Variants in CAMTA1 observed in about 807,000 individuals in gnomAD.
The protein encoded by CAMTA1 is calmodulin binding transcription activator 1, also known as calmodulin-binding transcription activator 1.
CAMTA1 carries 27 observed loss-of-function variants against 170.9 expected under a neutral mutation model. That is an observed-to-expected ratio of 0.16 (90% CI 0.12 to 0.22). The LOEUF is 0.22. Among genes scored for constraint, CAMTA1 ranks in the 10% least tolerant of loss-of-function variants. The pLI, the probability that CAMTA1 is intolerant of heterozygous loss-of-function variation, is 1.00. For missense variants in CAMTA1, 1,619 were observed against 2,217.2 expected, an observed-to-expected ratio of 0.73 and a Z score of 5.42; for synonymous variants, 833 against 891.5, an observed-to-expected ratio of 0.93 and a Z score of 1.17.
intron 4 of CAMTA1, among the ~76,000 whole-genome samples, chr1:7,119,460 G>A (rs955982932): frequency 2.6e-5 from 4 of 152,154 alleles, no homozygotes; most frequent in Non-Finnish European, 4.4e-5. Context: ...AGTGAACAGC[G>A]GGGGGCATCA....
intron 4 of CAMTA1, among the ~76,000 whole-genome samples, chr1:7,139,555 C>T (rs1246454295): frequency 6.6e-6 from 1 of 151,992 alleles, no homozygotes; most frequent in African/African-American, 2.4e-5. Context: ...CTCAGAGCCT[C>T]TGTGACATTG....
intron 4 of CAMTA1, among the ~76,000 whole-genome samples, chr1:7,151,824 A>G (rs144238572): frequency 3.3e-4 from 50 of 152,124 alleles, no homozygotes; most frequent in African/African-American, 1.1e-3. Context: ...CTCCGTTTGT[A>G]TTTTCACTTT....
At chr1:7,378,773 A>G (rs2087041061) in intron 5 of CAMTA1, among the ~76,000 whole-genome samples, 1 of 152,212 alleles carries the variant, frequency 6.6e-6, no homozygotes, top group South Asian at 2.1e-4. Context: ...TCAATTAAAA[A>G]AAAATCGGAG....
At chr1:7,598,512 C>T (rs2095417530) in intron 6 of CAMTA1, among the ~76,000 whole-genome samples, 1 of 152,210 alleles carries the variant, frequency 6.6e-6, no homozygotes, top group Non-Finnish European at 1.5e-5. Flanking sequence ...AATCGCCACA[C>T]TGACTTCTAC....
chr1:6,980,613 A>G (rs1031069534), intron 3 of CAMTA1, among the ~76,000 whole-genome samples: 1 of 152,094 alleles, frequency 6.6e-6, no homozygotes, highest in Non-Finnish European at 1.5e-5. Context: ...ACTTGGTAGG[A>G]GGTAATCAAG....
intron 3 of CAMTA1, among the ~76,000 whole-genome samples, chr1:6,993,748 T>C (rs1215722848): frequency 6.6e-6 from 1 of 152,208 alleles, no homozygotes; most frequent in Non-Finnish European, 1.5e-5. Context: ...CTATTTAAAA[T>C]GTGTTTCTTG....
chr1:7,520,223 CTCCT>C (rs1557857609), intron 6 of CAMTA1, among the ~76,000 whole-genome samples: 3 of 35,024 alleles, frequency 8.6e-5, no homozygotes, highest in Admixed American at 4.2e-4. Flanking sequence ...CCTCCTCCTC[CTCCT>C]CCCTCCTCCT....
At chr1:6,786,046 C>T (rs1439389657) in intron 1 of CAMTA1, among the ~76,000 whole-genome samples, 2 of 151,700 alleles carry the variant, frequency 1.3e-5, no homozygotes, top group African/African-American at 2.4e-5. Flanking sequence ...CGGGCCGGTC[C>T]CCGTCGGGCG....
Position 7,461,325 on chromosome 1 carries a change from C to A in CAMTA1, c.439-6505C>A, listed in dbSNP as rs556302903. Among the ~76,000 whole-genome samples the A allele has an allele frequency of 9.8e-5, 15 of 152,308 alleles. No homozygotes were observed. In the South Asian group the frequency reaches 2.9e-3, roughly 29 times the overall value. ...CCCTGGGGTCCCAAGCTCCCAGTGT[C>A]TTTGCCAAACATCTCTGAACTGGAC... On this transcript the variant is annotated intron_variant, in intron 5 of 22. Coordinates refer to ENST00000303635, the MANE Select transcript of CAMTA1 (RefSeq NM_015215.4).
chr1:6,842,047 TCTC>T (rs1401898050), intron 3 of CAMTA1, among the ~76,000 whole-genome samples: 1 of 152,142 alleles, frequency 6.6e-6, no homozygotes, highest in Non-Finnish European at 1.5e-5. Flanking sequence ...TGGAGGGACA[TCTC>T]CTTTCCTCTC....
chr1:7,080,054 CATTTTA>C (rs1459047345), intron 3 of CAMTA1, among the ~76,000 whole-genome samples: 1 of 152,112 alleles, frequency 6.6e-6, no homozygotes, highest in Non-Finnish European at 1.5e-5. Context: ...AAATGGGGTA[CATTTTA>C]TTGTATGTAA....
intron 5 of CAMTA1, among the ~76,000 whole-genome samples, chr1:7,332,192 T>G (rs1356349002): frequency 1.3e-5 from 2 of 152,190 alleles, no homozygotes; most frequent in African/African-American, 4.8e-5. Flanking sequence ...CTGAGTTCCC[T>G]GTCAGGAGAC....
At chr1:7,202,840 C>T (rs1163073512) in intron 4 of CAMTA1, among the ~76,000 whole-genome samples, 2 of 152,144 alleles carry the variant, frequency 1.3e-5, no homozygotes, top group African/African-American at 4.8e-5. Flanking sequence ...AGTTTTATTT[C>T]TTCCTTTCCA....
chr1:7,298,165 A>G (rs1233173109), intron 5 of CAMTA1, among the ~76,000 whole-genome samples: 1 of 152,208 alleles, frequency 6.6e-6, no homozygotes, highest in Non-Finnish European at 1.5e-5. Context: ...GGAAGACTCA[A>G]TGGGAAGCCT....
At chr1:6,916,823 C>T (rs1279672876) in intron 3 of CAMTA1, among the ~76,000 whole-genome samples, 1 of 152,204 alleles carries the variant, frequency 6.6e-6, no homozygotes, top group Non-Finnish European at 1.5e-5. Flanking sequence ...TTATTCCGTG[C>T]AGATGTCATA....
At chr1:7,072,832 A>T (rs538467849) in intron 3 of CAMTA1, among the ~76,000 whole-genome samples, 52 of 152,340 alleles carry the variant, frequency 3.4e-4, no homozygotes, top group Admixed American at 2.2e-3. Context: ...CTGTCTGTTC[A>T]GGGAGTAGCA....
intron 5 of CAMTA1, among the ~76,000 whole-genome samples, chr1:7,386,371 A>G (rs1575052727): frequency 6.6e-6 from 1 of 152,328 alleles, no homozygotes; most frequent in South Asian, 2.1e-4. Flanking sequence ...AGTGTCCGGA[A>G]GACTTGGGCC....
chr1:7,716,694 G>C (rs959523978), intron 11 of CAMTA1, among the ~76,000 whole-genome samples: 2 of 152,144 alleles, frequency 1.3e-5, no homozygotes, highest in Non-Finnish European at 2.9e-5. Flanking sequence ...GCCAAGCCTT[G>C]CCAATAGCAG....
intron 6 of CAMTA1, among the ~76,000 whole-genome samples, chr1:7,521,509 T>G (rs781272221): frequency 3.9e-5 from 6 of 152,162 alleles, no homozygotes; most frequent in Non-Finnish European, 7.4e-5. Flanking sequence ...TTATTATACA[T>G]GTAGGTTTGT....
Sources: gnomAD v4.1 joint callset for allele counts (sites outside exome capture counted in the v4.1 genomes callset) on GRCh38, gnomAD v4.1.1 for gene constraint, MANE v1.5 for transcripts, NCBI Gene and HGNC (gene_info 2026-07-23, HGNC 2026-07-21) for gene names.